Variants in PNKD observed in about 807,000 individuals in gnomAD.
The protein encoded by PNKD is probable thioesterase PNKD.
A neutral mutation model predicts 45.3 loss-of-function variants in PNKD; 36 were observed. The ratio of observed to expected loss-of-function variants is 0.80; its 90% confidence interval spans 0.61 to 1.05. The LOEUF (loss-of-function observed/expected upper bound fraction) is 1.05. PNKD is among the 50% of genes least tolerant of loss of function. PNKD has a pLI of 0.00. For synonymous variants in PNKD, 197 were observed against 210.1 expected (o/e 0.94, Z 0.54); for missense variants, 511 against 506.6 (o/e 1.01, Z -0.08).
At chr2:218,270,868 C>T in intron 1 of PNKD, 1 of 386,192 alleles carries the variant, frequency 2.6e-6, no homozygotes, top group East Asian at 3.9e-5. Flanking sequence ...GTTTCACACT[C>T]ACCGCAGTGC....
At chr2:218,292,882 T>C (rs1693027789) in intron 2 of PNKD, among the ~76,000 whole-genome samples, 1 of 152,244 alleles carries the variant, frequency 6.6e-6, no homozygotes, top group African/African-American at 2.4e-5. Context: ...TTTACTGCCC[T>C]TCTTTTTACT....
chr2:218,278,202 CAACTCTTA>C, intron 2 of PNKD: 2 of 613,138 alleles, frequency 3.3e-6, no homozygotes, highest in Non-Finnish European at 5.7e-6. Context: ...GATTGGTTTG[CAACTCTTA>C]AACTGACTGC....
intron 2 of PNKD, chr2:218,279,141 C>T: frequency 6.2e-7 from 1 of 1,610,720 alleles, no homozygotes; most frequent in Non-Finnish European, 8.5e-7. Context: ...TTGTCTGCCC[C>T]ACCCAGGCCA....
chr2:218,340,900 C>A lies in PNKD; in HGVS notation c.524+114C>A. Reference sequence around the variant, plus strand: ...CAAGAAGTCAGTACGGGCCGGCACCCGCCTTCCTCGTGAAGTCACCTGGAC... The same window carrying A: ...CAAGAAGTCAGTACGGGCCGGCACCAGCCTTCCTCGTGAAGTCACCTGGAC... On this transcript the variant is annotated intron_variant, in intron 5 of 9. Coordinates refer to ENST00000273077, the MANE Select transcript of PNKD (RefSeq NM_015488.5). The surrounding 1 kb of genome is among the most constrained non-coding windows in gnomAD (Gnocchi z 4.2). The A allele has an allele frequency of 2.4e-6, 2 of 845,804 alleles. No homozygotes were observed. The highest frequency in any genetic ancestry group is 2.0e-6 in the Non-Finnish European group (1 of 489,962). The allele number at this position is 845,804 out of a possible 1,614,324, so 52.4% of individuals were successfully genotyped here.
rs181418442 is a variant in PNKD at position 218,299,864 on chromosome 2, G to A, written c.236+28315G>A. Among the ~76,000 whole-genome samples, 67 of 150,098 alleles carry A rather than the reference G, an allele frequency of 4.5e-4. 2 individuals carry two copies. In the South Asian group the frequency reaches 6.8e-3, roughly 15 times the overall value. On this transcript the variant is annotated intron_variant, in intron 2 of 9. Transcript: ENST00000273077. ...TCGAACTCCTGACCTCAGGTGATCC[G>A]CCCGCCTCAGCCTCCCAAAGTGCTG...
chr2:218,278,022 C>A, intron 2 of PNKD: 1 of 1,606,654 alleles, frequency 6.2e-7, no homozygotes, highest in South Asian at 1.1e-5. Flanking sequence ...GCCCCTCAGG[C>A]GTCAGAGGCT....
At chr2:218,320,148 T>C (rs754435916) in intron 2 of PNKD, among the ~76,000 whole-genome samples, 2 of 152,250 alleles carry the variant, frequency 1.3e-5, no homozygotes, top group African/African-American at 4.8e-5. Context: ...TTTGTGAGTA[T>C]GTAATATGTA....
intron 2 of PNKD, chr2:218,318,177 G>A (rs1693867318): frequency 6.5e-6 from 1 of 152,722 alleles, no homozygotes; most frequent in African/African-American, 2.4e-5. Flanking sequence ...AGCCTGGGAT[G>A]ACAGGTGGAA....
At chr2:218,341,464 C>A in intron 5 of PNKD, 70 bp from the exon 6 acceptor site, 1 of 993,250 alleles carries the variant, frequency 1.0e-6, no homozygotes. Context: ...CCTGGAGATG[C>A]TGTGGTAAAG....
chr2:218,325,272 A>G (rs963938518), intron 2 of PNKD, among the ~76,000 whole-genome samples: 5 of 138,644 alleles, frequency 3.6e-5, no homozygotes, highest in Non-Finnish European at 6.1e-5. Flanking sequence ...CAGTGGCACA[A>G]TCTCAGCTCA....
chr2:218,312,834 C>G (rs1013385167), intron 2 of PNKD, among the ~76,000 whole-genome samples: 1 of 152,158 alleles, frequency 6.6e-6, no homozygotes, highest in Non-Finnish European at 1.5e-5. Context: ...GAACTTACCA[C>G]TGCACTCCAG....
At chr2:218,271,250 TCTTA>T in intron 1 of PNKD, 127 bp from the exon 2 acceptor site, 3 of 840,658 alleles carry the variant, frequency 3.6e-6, no homozygotes, top group South Asian at 2.7e-5. Flanking sequence ...CCTTGGCACT[TCTTA>T]CTTCAGACTG....
At chr2:218,301,898 G>A (rs978111186) in intron 2 of PNKD, among the ~76,000 whole-genome samples, 4 of 152,232 alleles carry the variant, frequency 2.6e-5, no homozygotes, top group African/African-American at 9.6e-5. Flanking sequence ...CAGACCTGTG[G>A]GGATACAGAA....
At chr2:218,308,891 A>G (rs1693503114) in intron 2 of PNKD, among the ~76,000 whole-genome samples, 1 of 151,152 alleles carries the variant, frequency 6.6e-6, no homozygotes, top group Non-Finnish European at 1.5e-5. Flanking sequence ...AGCCTCCTCC[A>G]CTTCTTTCCT....
At chr2:218,280,613 A>G in intron 2 of PNKD, 1 of 173,416 alleles carries the variant, frequency 5.8e-6, no homozygotes, top group Non-Finnish European at 1.2e-5. Flanking sequence ...TGCAGGACCC[A>G]TGCGCAGATC....
At chr2:218,274,997 CTA>C (rs1285133898) in intron 2 of PNKD, 2 of 153,988 alleles carry the variant, frequency 1.3e-5, no homozygotes, top group Non-Finnish European at 2.9e-5. Flanking sequence ...GGATAATGGC[CTA>C]TGTGTCCAGG....
intron 2 of PNKD, chr2:218,280,340 C>G: frequency 2.0e-6 from 1 of 508,092 alleles, no homozygotes; most frequent in South Asian, 2.0e-5. Flanking sequence ...ACGTTCCTCA[C>G]GTGCATCTGT....
intron 2 of PNKD, chr2:218,286,228 C>G (rs1692496409): frequency 6.6e-6 from 1 of 151,974 alleles, no homozygotes; most frequent in African/African-American, 2.4e-5. Flanking sequence ...TTGGTAGAAA[C>G]GGGGTTTCAC....
chr2:218,319,607 C>T (rs1693930406), intron 2 of PNKD, among the ~76,000 whole-genome samples: 1 of 152,080 alleles, frequency 6.6e-6, no homozygotes, highest in Admixed American at 6.6e-5. Context: ...AACTCCTGAC[C>T]TCGTGATCTG....
Sources: gnomAD v4.1 joint callset for allele counts (sites outside exome capture counted in the v4.1 genomes callset) on GRCh38, gnomAD v4.1.1 for gene constraint, Gnocchi (gnomAD v3.1) non-coding constraint, MANE v1.5 for transcripts, NCBI Gene and HGNC (gene_info 2026-07-23, HGNC 2026-07-21) for gene names.